The following TBL1XR1 variants were observed in gnomAD, a reference collection of about 807,000 sequenced individuals.
The protein encoded by TBL1XR1 is F-box-like/WD repeat-containing protein TBL1XR1.
TBL1XR1 carries 5 observed loss-of-function variants against 66.9 expected under a neutral mutation model. The ratio of observed to expected loss-of-function variants is 0.07; its 90% CI spans 0.04 to 0.16. TBL1XR1 has a LOEUF of 0.16. TBL1XR1 is among the 10% of genes least tolerant of loss of function. The pLI is 1.00. For synonymous variants in TBL1XR1, 210 were observed against 206.0 expected (o/e 1.02, Z -0.17); for missense variants, 238 against 623.2 (o/e 0.38, Z 6.58).
intron 4 of TBL1XR1, 116 bp from the exon 5 acceptor site, chr3:177,051,842 G>C: frequency 7.8e-7 from 1 of 1,281,166 alleles, no homozygotes; most frequent in South Asian, 1.7e-5. Context: ...ACATTTTTAG[G>C]AACTTTCTGA....
At chr3:177,066,569 T>C (rs548812768) in intron 2 of TBL1XR1, among the ~76,000 whole-genome samples, 2 of 151,994 alleles carry the variant, frequency 1.3e-5, no homozygotes, top group Non-Finnish European at 2.9e-5. Flanking sequence ...AACAAATCCA[T>C]TAAACAGTTT....
At chr3:177,097,971 C>A (rs1306017414) in intron 2 of TBL1XR1, among the ~76,000 whole-genome samples, 1 of 152,192 alleles carries the variant, frequency 6.6e-6, no homozygotes, top group Non-Finnish European at 1.5e-5. Flanking sequence ...CTTTGGGAAG[C>A]TCAGGTGGGC....
chr3:177,068,031 GAC>G (rs1439659708), intron 2 of TBL1XR1, among the ~76,000 whole-genome samples: 2 of 152,162 alleles, frequency 1.3e-5, no homozygotes, highest in Non-Finnish European at 2.9e-5. Context: ...ACAGCACTGA[GAC>G]ACTCATCCAG....
Position 177,126,773 on chromosome 3 carries a change from A to G in TBL1XR1, c.-121-28232T>C, listed in dbSNP as rs145988286. Among the ~76,000 whole-genome samples the G allele has an allele frequency of 6.5e-3, 990 of 151,410 alleles. 6 individuals are homozygous for G. Among genetic ancestry groups the G allele is most frequent in the African/African-American group, 0.022 (925 of 41,146 alleles). On this transcript the variant is annotated intron_variant, in intron 1 of 15. Transcript: ENST00000457928. The stretch of plus-strand genomic sequence containing the variant: ...TCAATAAATATGTCTTTAGCAAATA[A>G]TTAAAATCAATATATCCTTGATTTC...
intron 1 of TBL1XR1, among the ~76,000 whole-genome samples, chr3:177,186,984 A>C (rs1298766175): frequency 6.6e-6 from 1 of 151,992 alleles, no homozygotes; most frequent in African/African-American, 2.4e-5. Context: ...GGCTAACAGG[A>C]TGAAACCCCG....
chr3:177,049,857 A>C lies in TBL1XR1; in HGVS notation c.702+140T>G, dbSNP rs1023589061. On this transcript the variant is annotated intron_variant, in intron 7 of 15. Transcript: ENST00000457928. ...TCCCACAGTGGGGGAGAGGGCTGGCAGGGGACGACTCCCGGTTTGTTGTTA... is the reference window on the plus strand; with the variant it reads ...TCCCACAGTGGGGGAGAGGGCTGGCCGGGGACGACTCCCGGTTTGTTGTTA... 7 of 869,322 alleles carry C rather than the reference A, an allele frequency of 8.1e-6. No homozygotes were observed. In the African/African-American group the frequency reaches 1.2e-4, roughly 15 times the overall value. The allele number at this position is 869,322 out of a possible 1,614,324, so 53.9% of individuals were successfully genotyped here.
chr3:177,083,815 C>T (rs1288218014), intron 2 of TBL1XR1, among the ~76,000 whole-genome samples: 4 of 151,750 alleles, frequency 2.6e-5, no homozygotes, highest in African/African-American at 9.7e-5. Context: ...CTTGGCCAAG[C>T]ATGGTGGCTC....
In TBL1XR1 at chr3:177,117,556, G is replaced by A. The variant is rs1238250006; in HGVS notation, c.-121-19015C>T. Among the ~76,000 whole-genome samples the A allele has an allele frequency of 2.0e-5, 3 of 152,124 alleles. No individual in the cohort carries two copies. The East Asian group carries it at 5.8e-4, about 29-fold the overall frequency. ...TCCCATTCAGCGTAGTTCCTTATAG[G>A]CAGCATAAGCTCTCGGGTCTCCCAG... On this transcript the variant is annotated intron_variant, in intron 1 of 15. Transcript: ENST00000457928.
At chr3:177,098,397 C>G in intron 2 of TBL1XR1, 69 bp downstream of exon 2, 1 of 907,148 alleles carries the variant, frequency 1.1e-6, no homozygotes, top group Non-Finnish European at 1.3e-6. Flanking sequence ...GAGAAACTTT[C>G]AAAATTCTCA....
chr3:177,169,428 T>C (rs992428834), intron 1 of TBL1XR1, among the ~76,000 whole-genome samples: 1 of 152,098 alleles, frequency 6.6e-6, no homozygotes, highest in African/African-American at 2.4e-5. Context: ...ATCACAAGGG[T>C]TCCAGGAAGA....
intron 1 of TBL1XR1, among the ~76,000 whole-genome samples, chr3:177,176,724 A>G (rs1281769762): frequency 6.6e-6 from 1 of 152,062 alleles, no homozygotes; most frequent in Non-Finnish European, 1.5e-5. Flanking sequence ...CTGAGGCAGC[A>G]AAGTCACTTG....
chr3:177,172,685 G>A (rs1387702172), intron 1 of TBL1XR1, among the ~76,000 whole-genome samples: 1 of 129,198 alleles, frequency 7.7e-6, no homozygotes, highest in Non-Finnish European at 1.7e-5. Context: ...GGGGAGGGGA[G>A]AGGGGAGGGG....
At chr3:177,050,248 G>A (rs1157007235) in intron 6 of TBL1XR1, 110 bp from the exon 7 acceptor site, 34 of 1,391,446 alleles carry the variant, frequency 2.4e-5, no homozygotes, top group Non-Finnish European at 3.3e-5. Context: ...CGACTATCAC[G>A]AATTTTCATT....
chr3:177,122,108 T>C (rs984322705), intron 1 of TBL1XR1, among the ~76,000 whole-genome samples: 3 of 152,152 alleles, frequency 2.0e-5, no homozygotes. Context: ...AAAAGTACAT[T>C]AATCAATAAT....
intron 1 of TBL1XR1, among the ~76,000 whole-genome samples, chr3:177,107,531 G>A (rs1192418654): frequency 6.6e-6 from 1 of 151,968 alleles, no homozygotes; most frequent in Admixed American, 6.6e-5. Context: ...CTTAATTCTG[G>A]AGAATGCCAA....
intron 1 of TBL1XR1, among the ~76,000 whole-genome samples, chr3:177,136,759 G>A (rs1729043446): frequency 1.3e-5 from 2 of 152,060 alleles, no homozygotes; most frequent in South Asian, 4.2e-4. Context: ...AAACTACAGT[G>A]TACAACCATA....
chr3:177,148,881 G>C (rs1260235904), intron 1 of TBL1XR1, among the ~76,000 whole-genome samples: 1 of 151,758 alleles, frequency 6.6e-6, no homozygotes, highest in Non-Finnish European at 1.5e-5. Flanking sequence ...GTGCGTGCCT[G>C]TGATCCCAGC....
chr3:177,120,821 C>G (rs961187142), intron 1 of TBL1XR1: 2 of 152,258 alleles, frequency 1.3e-5, no homozygotes, highest in African/African-American at 4.8e-5. Context: ...GTATTTTAAT[C>G]ACTATCACAT....
chr3:177,057,895 G>T (rs572581686), intron 3 of TBL1XR1, among the ~76,000 whole-genome samples: 1 of 152,120 alleles, frequency 6.6e-6, no homozygotes. Context: ...TGACAGAGAC[G>T]AGCAACGACA....
Sources: allele counts gnomAD v4.1 joint callset (sites outside exome capture counted in the v4.1 genomes callset), GRCh38; gene constraint gnomAD v4.1.1; transcripts MANE v1.5; gene names NCBI Gene and HGNC (gene_info 2026-07-23, HGNC 2026-07-21).